The following TYW1B variants were observed in gnomAD, a reference collection of about 807,000 sequenced individuals.
TYW1B encodes tRNA-yW synthesizing protein 1 homolog B.
In TYW1B, 73 loss-of-function variants were observed where a neutral mutation model predicts 86.9. That is an observed-to-expected ratio of 0.84 (90% CI 0.70 to 1.02). The LOEUF (loss-of-function observed/expected upper bound fraction) is 1.02. Ranked by LOEUF, TYW1B falls within the 50% of genes least tolerant of loss-of-function variation. TYW1B has a pLI of 0.00. For missense variants in TYW1B, 637 were observed against 827.4 expected (o/e 0.77, Z 2.82); for synonymous variants, 248 against 292.8 (o/e 0.85, Z 1.56).
chr7:72,733,353 G>A (rs1158995552), intron 8 of TYW1B, among the ~76,000 whole-genome samples: 2 of 152,070 alleles, frequency 1.3e-5, no homozygotes, highest in Admixed American at 6.6e-5. Context: ...CAATATCCCC[G>A]ATGAACAAAG....
rs1554437446 is a variant in TYW1B at position 72,619,056 on chromosome 7, C to CTGTT, written c.1618-2218_1618-2217insAACA. On this transcript the variant is annotated intron_variant, in intron 12 of 13. Transcript: ENST00000620995. ...CGAGCAAGGATGATCAAACAGACAACTGCGCATGTCCGAGGACTTTCCAGA... is the reference window on the plus strand; with the variant it reads ...CGAGCAAGGATGATCAAACAGACAACTGTTTGCGCATGTCCGAGGACTTTCCAGA... 2.2e-3 allele frequency among the ~76,000 whole-genome samples: 328 copies of CTGTT among 152,310 alleles called. 3 individuals carry two copies. Among genetic ancestry groups the CTGTT allele is most frequent in the African/African-American group, 7.3e-3 (302 of 41,578 alleles).
chr7:72,765,764 GC>G (rs1787759042), intron 7 of TYW1B, among the ~76,000 whole-genome samples: 1 of 152,078 alleles, frequency 6.6e-6, no homozygotes, highest in Admixed American at 6.6e-5. Context: ...CTGGTACCTG[GC>G]TGAAACTGGA....
At chr7:72,741,157 A>C (rs1449806569) in intron 8 of TYW1B, among the ~76,000 whole-genome samples, 1 of 152,168 alleles carries the variant, frequency 6.6e-6, no homozygotes, top group Non-Finnish European at 1.5e-5. Context: ...ACCAACTAAA[A>C]AAATACTTTA....
At chr7:72,703,007 TATATATATATATATA>T (rs1814513761) in intron 10 of TYW1B, among the ~76,000 whole-genome samples, 27 of 28,120 alleles carry the variant, frequency 9.6e-4, no homozygotes, top group African/African-American at 2.7e-3. Context: ...TATATATATA[TATATATATATATATA>T]TATATTTTTT....
chr7:72,813,732 C>A (rs1788667790), intron 3 of TYW1B, among the ~76,000 whole-genome samples: 1 of 152,058 alleles, frequency 6.6e-6, no homozygotes, highest in East Asian at 1.9e-4. Flanking sequence ...TTAAGTAATG[C>A]GCCCAGGCAC....
chr7:72,625,526 AGGTGGGAGGAT>A lies in TYW1B; in HGVS notation c.1617+3350_1617+3360del, dbSNP rs1554438624. Among the ~76,000 whole-genome samples the A allele has an allele frequency of 4.8e-4, 54 of 112,882 alleles. 2 individuals carry two copies. Among genetic ancestry groups the A allele is most frequent in the African/African-American group, 2.2e-3 (54 of 24,694 alleles). 74.1% of individuals were successfully genotyped at this position (112,882 alleles called of 152,430 possible). A position where few individuals can be genotyped will look rare whatever the true frequency, so the allele number is the denominator to read the frequency against. ...TGTCATCAAGCTACTTGGGAGGCTG[AGGTGGGAGGAT>A]CACTTGAGCCCAGGAGCGGGAGGCT... On this transcript the variant is annotated intron_variant, in intron 12 of 13. Coordinates refer to ENST00000620995, the MANE Select transcript of TYW1B (RefSeq NM_001145440.3).
intron 11 of TYW1B, among the ~76,000 whole-genome samples, chr7:72,659,794 G>C (rs1813288954): frequency 6.6e-6 from 1 of 152,148 alleles, no homozygotes; most frequent in Non-Finnish European, 1.5e-5. Context: ...CCCCAAAGGA[G>C]AGAGTTTCAA....
At chr7:72,607,413 A>G (rs1188827571) in intron 13 of TYW1B, among the ~76,000 whole-genome samples, 1 of 150,734 alleles carries the variant, frequency 6.6e-6, no homozygotes, top group Non-Finnish European at 1.5e-5. Flanking sequence ...AAAAAAAGAA[A>G]AGAAGAAGAA....
intron 6 of TYW1B, among the ~76,000 whole-genome samples, chr7:72,785,464 TA>T (rs1239800999): frequency 2.0e-5 from 3 of 148,854 alleles, no homozygotes; most frequent in Non-Finnish European, 3.0e-5. Flanking sequence ...TATTATTTTA[TA>T]AAAAATATAT....
At chr7:72,607,343 G>A (rs1196699916) in intron 13 of TYW1B, among the ~76,000 whole-genome samples, 3 of 143,158 alleles carry the variant, frequency 2.1e-5, no homozygotes, top group African/African-American at 7.7e-5. Flanking sequence ...AGTGAGCCAA[G>A]ATTGTGCCAC....
At chr7:72,686,962 T>C (rs1322681801) in intron 11 of TYW1B, among the ~76,000 whole-genome samples, 1 of 151,542 alleles carries the variant, frequency 6.6e-6, no homozygotes, top group Non-Finnish European at 1.5e-5. Flanking sequence ...AATTGAAAAA[T>C]AATAATAACA....
intron 12 of TYW1B, among the ~76,000 whole-genome samples, chr7:72,626,905 T>C (rs1812361651): frequency 6.6e-6 from 1 of 151,896 alleles, no homozygotes; most frequent in Admixed American, 6.6e-5. Flanking sequence ...CTCCCCAGCT[T>C]CACGCCCTTT....
At chr7:72,784,825 C>G (rs555169907) in intron 6 of TYW1B, among the ~76,000 whole-genome samples, 19 of 152,026 alleles carry the variant, frequency 1.2e-4, no homozygotes, top group Admixed American at 9.2e-4. Context: ...TACACTGGAA[C>G]TCTCCTCTCT....
chr7:72,684,536 T>C (rs1813959556), intron 11 of TYW1B, among the ~76,000 whole-genome samples: 1 of 152,074 alleles, frequency 6.6e-6, no homozygotes, highest in Non-Finnish European at 1.5e-5. Context: ...GGGGAATTTG[T>C]TGCCAGTAGA....
chr7:72,597,643 T>C (rs1811569288), intron 13 of TYW1B, among the ~76,000 whole-genome samples: 1 of 152,024 alleles, frequency 6.6e-6, no homozygotes, highest in African/African-American at 2.4e-5. Context: ...AAAGATGAGA[T>C]GAGACCAATA....
rs1488693832 is a variant in TYW1B at position 72,775,715 on chromosome 7, G to A, written c.964+1701C>T. On this transcript the variant is annotated intron_variant, in intron 7 of 13. Coordinates refer to ENST00000620995, the MANE Select transcript of TYW1B (RefSeq NM_001145440.3). ...TCAAAAAGTCCTTGGAGTCGCCACA[G>A]GTAAGTTTAAATTAGAAAAAAAAAA... is the stretch of plus-strand genomic sequence containing the variant. Among the ~76,000 whole-genome samples the A allele has an allele frequency of 8.6e-5, 13 of 151,326 alleles. 1 individual carries two copies. The highest frequency in any genetic ancestry group is 1.6e-4 in the Non-Finnish European group (11 of 67,916).
At position 72,589,680 on chromosome 7, in the gene TYW1B, C is replaced by T. The variant is rs183559206; in HGVS notation, c.1786-13961G>A. Among the ~76,000 whole-genome samples, 306 of 152,262 alleles carry T rather than the reference C, an allele frequency of 2.0e-3. 1 individual carries two copies. Among genetic ancestry groups the T allele is most frequent in the African/African-American group, 6.9e-3 (288 of 41,554 alleles). On this transcript the variant is annotated intron_variant, in intron 13 of 13. Coordinates refer to ENST00000620995, the MANE Select transcript of TYW1B (RefSeq NM_001145440.3). ...TCACTTGAGGTCAGGAGTTCAAGAC[C>T]GGCCTGACCAACATGGTGAAACCCC...
At chr7:72,798,244 A>G (rs1386457088) in intron 6 of TYW1B, among the ~76,000 whole-genome samples, 41 of 152,226 alleles carry the variant, frequency 2.7e-4, no homozygotes, top group African/African-American at 9.6e-4. Flanking sequence ...ACAAAAAATT[A>G]GCTGGGTGCA....
At chr7:72,607,239 A>G (rs1216802097) in intron 13 of TYW1B, among the ~76,000 whole-genome samples, 14 of 151,766 alleles carry the variant, frequency 9.2e-5, no homozygotes, top group African/African-American at 2.9e-4. Flanking sequence ...ATAAAAATAA[A>G]AAAATTAGCT....
Sources: gnomAD v4.1 joint callset for allele counts (sites outside exome capture counted in the v4.1 genomes callset) on GRCh38, gnomAD v4.1.1 for gene constraint, MANE v1.5 for transcripts, NCBI Gene and HGNC (gene_info 2026-07-23, HGNC 2026-07-21) for gene names.